The following NKAIN3 variants were observed in gnomAD, a reference collection of about 807,000 sequenced individuals.
NKAIN3 encodes the protein sodium/potassium-transporting ATPase subunit beta-1-interacting protein 3.
Under a neutral mutation model 30.2 loss-of-function variants are expected in NKAIN3, and 25 were observed. The observed-to-expected ratio is 0.83, with a 90% CI of 0.60 to 1.16. The LOEUF (loss-of-function observed/expected upper bound fraction) is 1.16, where lower values mean the gene tolerates loss of function less well. Among genes scored for constraint, NKAIN3 ranks in the 50% most tolerant of loss-of-function variants. The pLI, the probability that NKAIN3 is intolerant of heterozygous loss-of-function variation, is 0.00. For missense variants in NKAIN3, 225 were observed against 254.1 expected (o/e 0.89, Z 0.78); for synonymous variants, 91 against 89.6 (o/e 1.02, Z -0.09).
chr8:62,977,521 C>T lies in NKAIN3; in HGVS notation c.*12114C>T, dbSNP rs1049421718. ...ACTTGTGTATGCTTCATGAAGTTCT[C>T]GTGCTGTGTTTTTCAGCTCCATCAG... On this transcript the variant is annotated 3_prime_UTR_variant, in exon 7 of 7. Transcript: ENST00000623646. Among the ~76,000 whole-genome samples the T allele has an allele frequency of 5.9e-5, 9 of 151,818 alleles. No individual in the cohort carries two copies. Among genetic ancestry groups the T allele is most frequent in the East Asian group, 3.9e-4 (2 of 5,136 alleles).
Position 62,687,895 on chromosome 8 carries a change from T to C in NKAIN3, c.274-59037T>C, listed in dbSNP as rs145563649. Among the ~76,000 whole-genome samples the C allele has an allele frequency of 7.2e-3, 1,100 of 152,312 alleles. 34 individuals carry two copies. The highest frequency in any genetic ancestry group is 0.047 in the Admixed American group (714 of 15,304). On this transcript the variant is annotated intron_variant, in intron 3 of 6. Coordinates refer to ENST00000623646, the MANE Select transcript of NKAIN3 (RefSeq NM_001304533.3). The stretch of plus-strand genomic sequence containing the variant: ...CTGATTGCTGTTCTGTAGATTCTTC[T>C]CCTGGGGCAACAAGCACAATAGCAA...
In NKAIN3 at chr8:62,505,593, TG is replaced by T. The variant is rs929018542; in HGVS notation, c.55-73942del. 9.2e-5 allele frequency among the ~76,000 whole-genome samples: 14 copies of T among 152,182 alleles called. 1 individual carries two copies. The highest frequency in any genetic ancestry group is 2.9e-4 in the African/African-American group (12 of 41,460). ...TGCTCTACAGAATGCCTTTACATAC[TG>T]GGGACTTGCTAAATAGTTGTTGAAA... On this transcript the variant is annotated intron_variant, in intron 1 of 6. Coordinates refer to ENST00000623646, the MANE Select transcript of NKAIN3 (RefSeq NM_001304533.3).
intron 1 of NKAIN3, among the ~76,000 whole-genome samples, chr8:62,530,829 G>A (rs1808464280): frequency 6.6e-6 from 1 of 151,796 alleles, no homozygotes; most frequent in Non-Finnish European, 1.5e-5. Flanking sequence ...TAGTAGAAAC[G>A]GGATTTCACC....
intron 6 of NKAIN3, among the ~76,000 whole-genome samples, chr8:62,961,766 G>A (rs899477547): frequency 3.3e-5 from 5 of 152,110 alleles, no homozygotes; most frequent in Non-Finnish European, 7.4e-5. Context: ...ACATTACAAG[G>A]GAAGTGAAAA....
At chr8:62,504,083 C>T (rs575196622) in intron 1 of NKAIN3, among the ~76,000 whole-genome samples, 1 of 152,330 alleles carries the variant, frequency 6.6e-6, no homozygotes, top group East Asian at 1.9e-4. Flanking sequence ...CATCCGGGGT[C>T]CCTGACTTCC....
rs182957821 is a variant in NKAIN3, at chr8:62,799,438, G to A, written c.471+52309G>A. 6.5e-3 allele frequency among the ~76,000 whole-genome samples: 989 copies of A among 152,142 alleles called. 10 individuals carry two copies. The highest frequency in any genetic ancestry group is 0.022 in the African/African-American group (924 of 41,504). ...ATATACAAATAGCCAACAAGCATAC[G>A]GAAAAATGCTCAACATCACTAATTA... On this transcript the variant is annotated intron_variant, in intron 4 of 6. Transcript: ENST00000623646.
chr8:62,511,483 A>G (rs2129736671), intron 1 of NKAIN3, among the ~76,000 whole-genome samples: 1 of 152,236 alleles, frequency 6.6e-6, no homozygotes, highest in South Asian at 2.1e-4. Context: ...ATTGTGCTTT[A>G]TGTGGTAGCA....
chr8:62,622,669 A>G (rs1305376187), intron 3 of NKAIN3, among the ~76,000 whole-genome samples: 1 of 152,002 alleles, frequency 6.6e-6, no homozygotes, highest in African/African-American at 2.4e-5. Flanking sequence ...TAATTTAAAT[A>G]CTAGTCTTTT....
chr8:62,280,084 C>T (rs1813123319), intron 1 of NKAIN3, among the ~76,000 whole-genome samples: 1 of 152,122 alleles, frequency 6.6e-6, no homozygotes, highest in African/African-American at 2.4e-5. Flanking sequence ...TGAAGAGGTC[C>T]TTCACGTCCC....
chr8:62,786,235 T>C (rs1375227050), intron 4 of NKAIN3, among the ~76,000 whole-genome samples: 2 of 152,162 alleles, frequency 1.3e-5, no homozygotes, highest in East Asian at 3.9e-4. Flanking sequence ...GGAATCATAA[T>C]TAAACCTTCT....
At chr8:62,863,463 GA>G (rs1489583127) in intron 4 of NKAIN3, 18 of 1,552,334 alleles carry the variant, frequency 1.2e-5, no homozygotes. Context: ...ACCCTTGAAG[GA>G]AATGTCAAAT....
chr8:62,981,855 A>G lies in NKAIN3; in HGVS notation c.*16448A>G, dbSNP rs975845350. On this transcript the variant is annotated 3_prime_UTR_variant, in exon 7 of 7. Transcript: ENST00000623646. ...CTAAAACTTAAAGTATAGTAAAAAA[A>G]AGAAAAGAAAGAAAAACTCTTTAAC... The G allele has an allele frequency of 2.6e-5, 4 of 152,160 alleles. No homozygotes were observed. Among genetic ancestry groups the G allele is most frequent in the African/African-American group, 9.6e-5 (4 of 41,452 alleles). 9.4% of individuals were successfully genotyped at this position (152,160 alleles called of 1,614,324 possible).
At chr8:62,648,321 C>T (rs1812527389) in intron 3 of NKAIN3, among the ~76,000 whole-genome samples, 1 of 151,960 alleles carries the variant, frequency 6.6e-6, no homozygotes, top group South Asian at 2.1e-4. Context: ...TGGGTGTTGT[C>T]TCTCTAGAAG....
At chr8:62,333,940 A>G (rs991507646) in intron 1 of NKAIN3, among the ~76,000 whole-genome samples, 6 of 152,086 alleles carry the variant, frequency 3.9e-5, no homozygotes, top group Admixed American at 2.0e-4. Context: ...TCTATAAGCC[A>G]TCAAGTGGAT....
At chr8:62,802,744 G>A (rs1818115496) in intron 4 of NKAIN3, among the ~76,000 whole-genome samples, 1 of 152,068 alleles carries the variant, frequency 6.6e-6, no homozygotes, top group Non-Finnish European at 1.5e-5. Flanking sequence ...ATAATGACAG[G>A]ATCAAATTCA....
intron 1 of NKAIN3, among the ~76,000 whole-genome samples, chr8:62,329,768 C>T (rs1815278072): frequency 6.6e-6 from 1 of 152,052 alleles, no homozygotes; most frequent in South Asian, 2.1e-4. Flanking sequence ...GATTTCACGT[C>T]CTTACTATTG....
At chr8:62,986,202 T>A (rs1342430341), downstream of NKAIN3, among the ~76,000 whole-genome samples, 3 of 152,214 alleles carry the variant, frequency 2.0e-5, no homozygotes, top group Non-Finnish European at 4.4e-5. Context: ...AATCCAGGAG[T>A]GGCTAACCCG....
intron 4 of NKAIN3, among the ~76,000 whole-genome samples, chr8:62,819,055 T>C (rs1220436639): frequency 6.6e-6 from 1 of 151,346 alleles, no homozygotes; most frequent in Non-Finnish European, 1.5e-5. Flanking sequence ...TAAGAAATTA[T>C]TGTTAATACT....
chr8:62,470,572 C>A (rs182100302), intron 1 of NKAIN3, among the ~76,000 whole-genome samples: 1 of 152,224 alleles, frequency 6.6e-6, no homozygotes, highest in Non-Finnish European at 1.5e-5. Context: ...AACATTTTCA[C>A]AAACTCATGG....
Sources: gnomAD v4.1 joint callset for allele counts (sites outside exome capture counted in the v4.1 genomes callset) on GRCh38, gnomAD v4.1.1 for gene constraint, MANE v1.5 for transcripts, NCBI Gene and HGNC (gene_info 2026-07-23, HGNC 2026-07-21) for gene names.